Variants in ABI2 observed in about 807,000 individuals in gnomAD.
ABI2 encodes abl interactor 2.
In ABI2, 25 loss-of-function variants were observed where a neutral mutation model predicts 59.2. The ratio of observed to expected loss-of-function variants is 0.42; its 90% CI spans 0.31 to 0.59. The LOEUF (loss-of-function observed/expected upper bound fraction) is 0.59, where lower values mean the gene tolerates loss of function less well. Among genes scored for constraint, ABI2 ranks in the 20% least tolerant of loss-of-function variants. The pLI, the probability that ABI2 is intolerant of heterozygous loss-of-function variation, is 0.14. For missense variants in ABI2, 545 were observed against 681.8 expected (o/e 0.80, Z 2.23); for synonymous variants, 213 against 235.5 (o/e 0.90, Z 0.87).
At chr2:203,423,710 C>T (rs141006173) in intron 11 of ABI2, among the ~76,000 whole-genome samples, 2,191 of 152,232 alleles carry the variant, frequency 0.014, 42 homozygotes, top group African/African-American at 0.048. Context: ...CGTGAGCCAC[C>T]GCGCCCAGCC....
intron 10 of ABI2, among the ~76,000 whole-genome samples, chr2:203,415,170 A>C (rs1355895151): frequency 1.3e-5 from 2 of 152,206 alleles, no homozygotes; most frequent in Non-Finnish European, 2.9e-5. Context: ...TATTAATAAA[A>C]ACTATTAGGA....
intron 1 of ABI2, among the ~76,000 whole-genome samples, chr2:203,340,701 A>G (rs1005027721): frequency 1.2e-4 from 19 of 152,086 alleles, no homozygotes; most frequent in Non-Finnish European, 8.8e-5. Flanking sequence ...GCTCCCACCA[A>G]AGATAATCAA....
Position 203,408,833 on chromosome 2 carries a change from C to CT in ABI2, c.1193-2436dup, listed in dbSNP as rs1156536730. Among the ~76,000 whole-genome samples the CT allele has an allele frequency of 1.6e-3, 141 of 87,210 alleles. 23 individuals carry two copies. The highest frequency in any genetic ancestry group is 2.3e-3 in the Non-Finnish European group (95 of 41,752). 57.2% of individuals were successfully genotyped at this position (87,210 alleles called of 152,430 possible). A position where few individuals can be genotyped will look rare whatever the true frequency, so the allele number is the denominator to read the frequency against. ...TTTTGTCTATGCTACCTTCTCCTTT[C>CT]TTTTTTTTTTTTTTTTGAGACGGAG... is the stretch of plus-strand genomic sequence containing the variant. On this transcript the variant is annotated intron_variant, in intron 9 of 11. Coordinates refer to ENST00000261018, the MANE Select transcript of ABI2 (RefSeq NM_001375670.1).
At chr2:203,391,281 C>T in intron 5 of ABI2, 138 bp downstream of exon 5, 1 of 523,470 alleles carries the variant, frequency 1.9e-6, no homozygotes, top group Non-Finnish European at 3.1e-6. Context: ...TGTATAACTT[C>T]CTCTTCTCTT....
chr2:203,332,451 C>T (rs547556919), intron 1 of ABI2, among the ~76,000 whole-genome samples: 4 of 152,130 alleles, frequency 2.6e-5, no homozygotes, highest in South Asian at 4.1e-4. Flanking sequence ...ATGGTGAAAC[C>T]GCGTATCTAC....
intron 4 of ABI2, among the ~76,000 whole-genome samples, chr2:203,389,968 G>A (rs2096675702): frequency 6.6e-6 from 1 of 152,210 alleles, no homozygotes; most frequent in Non-Finnish European, 1.5e-5. Context: ...TTAGGACTAT[G>A]TTACATCTTT....
At chr2:203,383,321 GGTGA>G (rs2096255600) in intron 4 of ABI2, 1 of 154,782 alleles carries the variant, frequency 6.5e-6, no homozygotes, top group African/African-American at 2.4e-5. Flanking sequence ...CCTCAGTCAT[GGTGA>G]GTAAGATGTG....
chr2:203,412,199 A>G (rs2097705364), intron 10 of ABI2, among the ~76,000 whole-genome samples: 1 of 151,894 alleles, frequency 6.6e-6, no homozygotes, highest in African/African-American at 2.4e-5. Context: ...GTGGCTTAGG[A>G]CTCCTGCTTA....
chr2:203,382,901 T>C (rs997664116), intron 4 of ABI2, among the ~76,000 whole-genome samples: 4 of 152,220 alleles, frequency 2.6e-5, no homozygotes, highest in Non-Finnish European at 5.9e-5. Context: ...TGATAATGTT[T>C]AACAGAATAT....
intron 10 of ABI2, among the ~76,000 whole-genome samples, chr2:203,412,170 G>C (rs2097704335): frequency 6.6e-6 from 1 of 152,208 alleles, no homozygotes; most frequent in Admixed American, 6.5e-5. Flanking sequence ...CACTGGTGGG[G>C]TAGAAATATT....
In ABI2 at chr2:203,412,766, C is replaced by T. The variant is rs142362163; in HGVS notation, c.1279+1395C>T. Reference sequence around the variant, plus strand: ...TGCCAAGCACATCCATAGTGTGATCCTCTGCCAGGCTTGTGAGGTCAAGTG... The same window carrying T: ...TGCCAAGCACATCCATAGTGTGATCTTCTGCCAGGCTTGTGAGGTCAAGTG... On this transcript the variant is annotated intron_variant, in intron 10 of 11. Coordinates refer to ENST00000261018, the MANE Select transcript of ABI2 (RefSeq NM_001375670.1). Among the ~76,000 whole-genome samples the T allele has an allele frequency of 5.5e-4, 84 of 152,272 alleles. No individual in the cohort carries two copies. In the East Asian group the frequency reaches 0.013, roughly 24 times the overall value.
chr2:203,374,105 G>A (rs1252501504), intron 2 of ABI2, among the ~76,000 whole-genome samples: 3 of 152,202 alleles, frequency 2.0e-5, no homozygotes, highest in Admixed American at 6.5e-5. Flanking sequence ...GCTGCAGTGA[G>A]CCATGTTCAT....
At chr2:203,397,569 G>A (rs1354494089) in intron 8 of ABI2, among the ~76,000 whole-genome samples, 1 of 152,196 alleles carries the variant, frequency 6.6e-6, no homozygotes, top group Admixed American at 6.5e-5. Flanking sequence ...TAATGATGCT[G>A]GCTAGTAACA....
chr2:203,427,602 C>G lies in ABI2; in HGVS notation c.*250C>G, dbSNP rs1449004318. ...ATAAAATGACCATTTTTATGTATGT[C>G]AAAGGTATAACAGCATAACTGTGTA... On this transcript the variant is annotated 3_prime_UTR_variant, in exon 12 of 12. Transcript: ENST00000261018. The G allele has an allele frequency of 5.4e-6, 2 of 369,352 alleles. No homozygotes were observed. The highest frequency in any genetic ancestry group is 9.9e-6 in the Non-Finnish European group (2 of 202,032). 22.9% of individuals were successfully genotyped at this position (369,352 alleles called of 1,614,324 possible). A position where few individuals can be genotyped will look rare whatever the true frequency, so the allele number is the denominator to read the frequency against.
At chr2:203,395,036 G>A in intron 6 of ABI2, 190 bp downstream of exon 6, 1 of 751,824 alleles carries the variant, frequency 1.3e-6, no homozygotes, top group Non-Finnish European at 2.3e-6. Context: ...AGTTGATAAA[G>A]AACAGACATC....
intron 4 of ABI2, among the ~76,000 whole-genome samples, chr2:203,390,037 A>G (rs2096679888): frequency 6.6e-6 from 1 of 152,188 alleles, no homozygotes; most frequent in African/African-American, 2.4e-5. Flanking sequence ...CATTGGAACT[A>G]GGACATTGCC....
At chr2:203,395,902 G>A in intron 7 of ABI2, 122 bp downstream of exon 7, 1 of 1,166,970 alleles carries the variant, frequency 8.6e-7, no homozygotes, top group Non-Finnish European at 1.2e-6. Context: ...CATAAATATT[G>A]GGAAGTCTAT....
chr2:203,386,811 G>C (rs549014271), intron 4 of ABI2, among the ~76,000 whole-genome samples: 84 of 151,838 alleles, frequency 5.5e-4, no homozygotes, highest in African/African-American at 1.9e-3. Context: ...GCTAATTTTT[G>C]TATTTTTAGT....
chr2:203,391,171 C>A (rs1247140706), intron 5 of ABI2, 28 bp downstream of exon 5: 2 of 1,465,424 alleles, frequency 1.4e-6, no homozygotes, highest in Non-Finnish European at 1.9e-6. Flanking sequence ...AATTGAAAAC[C>A]ATTTCATGTA....
Sources: gnomAD v4.1 joint callset for allele counts (sites outside exome capture counted in the v4.1 genomes callset) on GRCh38, gnomAD v4.1.1 for gene constraint, MANE v1.5 for transcripts, NCBI Gene and HGNC (gene_info 2026-07-23, HGNC 2026-07-21) for gene names.